The following SYNDIG1 variants were observed in gnomAD, a reference collection of about 807,000 sequenced individuals.
SYNDIG1 encodes the protein synapse differentiation-inducing gene protein 1.
A neutral mutation model predicts 19.4 loss-of-function variants in SYNDIG1; 9 were observed. The ratio of observed to expected loss-of-function variants is 0.46; its 90% CI spans 0.28 to 0.81. The LOEUF (loss-of-function observed/expected upper bound fraction) is 0.81. Among genes scored for constraint, SYNDIG1 ranks in the 30% least tolerant of loss-of-function variants. The probability of loss-of-function intolerance (pLI) is 0.12; values close to 1 mark genes in which losing one functional copy is unlikely to be tolerated. For synonymous variants in SYNDIG1, 141 were observed against 145.9 expected, an observed-to-expected ratio of 0.97 and a Z score of 0.24; for missense variants, 311 against 343.3, an observed-to-expected ratio of 0.91 and a Z score of 0.74.
At chr20:24,625,799 A>G (rs1312597225) in intron 3 of SYNDIG1, among the ~76,000 whole-genome samples, 3 of 152,224 alleles carry the variant, frequency 2.0e-5, no homozygotes, top group Non-Finnish European at 4.4e-5. Flanking sequence ...CAATTTCTCA[A>G]TCTTTTCCCC....
intron 2 of SYNDIG1, among the ~76,000 whole-genome samples, chr20:24,564,498 G>C (rs1465973961): frequency 6.6e-6 from 1 of 152,212 alleles, no homozygotes; most frequent in Non-Finnish European, 1.5e-5. Flanking sequence ...ATATGTTACA[G>C]GCCATGAGGC....
chr20:24,582,591 C>T (rs1322011385), intron 2 of SYNDIG1, among the ~76,000 whole-genome samples: 5 of 151,926 alleles, frequency 3.3e-5, no homozygotes, highest in African/African-American at 9.7e-5. Context: ...GACTCCAGCA[C>T]CTGAGGCTGG....
chr20:24,485,085 T>C (rs1413633456), intron 1 of SYNDIG1, among the ~76,000 whole-genome samples: 3 of 147,440 alleles, frequency 2.0e-5, no homozygotes, highest in Non-Finnish European at 4.4e-5. Context: ...TCTGCCATGT[T>C]ATGATGCAGC....
In SYNDIG1 at chr20:24,665,365, A is replaced by T. The variant is rs1010979912; in HGVS notation, c.638A>T (p.Lys213Met). 1 of 1,602,622 alleles carries T rather than the reference A, an allele frequency of 6.2e-7. No individual in the cohort carries two copies. The highest frequency in any genetic ancestry group is 8.5e-7 in the Non-Finnish European group (1 of 1,176,436). ...CTGCAGACCAACAAAGCCGTGGCCA[A>T]GGGGGACTTGCACCAGGCCAGCACC... ...LSHETNKAVAKGDLHQASTSS... is the reference protein window; with the variant it reads ...LSHETNKAVAMGDLHQASTSS... Residue 213 changes from lysine (K) to methionine (M), a missense_variant, in exon 4 of 4, where the codon AAG becomes ATG. Lys to Met is a moderately conservative substitution (Grantham distance 95, BLOSUM62 -1). Coordinates refer to ENST00000376862, the MANE Select transcript of SYNDIG1 (RefSeq NM_024893.3).
chr20:24,572,918 G>C (rs768192598), intron 2 of SYNDIG1, among the ~76,000 whole-genome samples: 5 of 152,186 alleles, frequency 3.3e-5, no homozygotes, highest in Non-Finnish European at 7.4e-5. Flanking sequence ...AGACGATTCA[G>C]ATGGGTAGTG....
intron 2 of SYNDIG1, among the ~76,000 whole-genome samples, chr20:24,546,239 G>A (rs563684066): frequency 6.6e-6 from 1 of 152,362 alleles, no homozygotes; most frequent in Non-Finnish European, 1.5e-5. Flanking sequence ...GGTTAGAAGT[G>A]TCATTGAACA....
chr20:24,594,912 C>T (rs74787378), intron 3 of SYNDIG1, among the ~76,000 whole-genome samples: 1,842 of 152,210 alleles, frequency 0.012, 38 homozygotes, highest in African/African-American at 0.042. Flanking sequence ...TAGGAGCTTT[C>T]GGGTAGAGAC....
intron 2 of SYNDIG1, among the ~76,000 whole-genome samples, chr20:24,576,313 C>A (rs575499829): frequency 1.3e-5 from 2 of 152,188 alleles, no homozygotes; most frequent in South Asian, 4.1e-4. Context: ...TAACTGAATT[C>A]TCAGATTTTA....
chr20:24,630,343 G>GC (rs1261717187), intron 3 of SYNDIG1, among the ~76,000 whole-genome samples: 4 of 152,172 alleles, frequency 2.6e-5, no homozygotes, highest in African/African-American at 7.2e-5. Context: ...AGGGTGAAAT[G>GC]CCCCAAACAC....
chr20:24,663,739 G>A, intron 3 of SYNDIG1, among the ~76,000 whole-genome samples: 1 of 152,224 alleles, frequency 6.6e-6, no homozygotes, highest in East Asian at 1.9e-4. Flanking sequence ...CAGGTGCCCA[G>A]TCAGCTGTAG....
intron 3 of SYNDIG1, among the ~76,000 whole-genome samples, chr20:24,607,338 G>A (rs1175017272): frequency 5.0e-5 from 7 of 139,770 alleles, no homozygotes; most frequent in African/African-American, 1.6e-4. Context: ...TGCAGCCTGA[G>A]CAACAGAGCA....
intron 1 of SYNDIG1, among the ~76,000 whole-genome samples, chr20:24,500,395 C>G (rs548686059): frequency 6.6e-6 from 1 of 152,276 alleles, no homozygotes; most frequent in African/African-American, 2.4e-5. Flanking sequence ...TGAGTTTCCA[C>G]AAAACATTGG....
intron 3 of SYNDIG1, among the ~76,000 whole-genome samples, chr20:24,626,878 A>G (rs947884039): frequency 5.9e-5 from 9 of 152,250 alleles, no homozygotes; most frequent in African/African-American, 1.9e-4. Context: ...GCTGGAGACC[A>G]GCCCGGCCAT....
At position 24,521,414 on chromosome 20, in the gene SYNDIG1, G is replaced by T. The variant is rs1453714684; in HGVS notation, c.-78-21606G>T. Among the ~76,000 whole-genome samples the T allele has an allele frequency of 3.9e-5, 6 of 152,182 alleles. No individual in the cohort carries two copies. The East Asian group carries it at 1.2e-3, about 29-fold the overall frequency. ...TTTTGGGGAGTGTATACTCAGCAGT[G>T]AAATGGCTGCTGTATGGTAACTCAG... On this transcript the variant is annotated intron_variant, in intron 1 of 3. Transcript: ENST00000376862.
intron 1 of SYNDIG1, among the ~76,000 whole-genome samples, chr20:24,523,547 G>C (rs537567383): frequency 1.3e-5 from 2 of 152,106 alleles, no homozygotes; most frequent in African/African-American, 4.8e-5. Flanking sequence ...AGTTAATATT[G>C]CCTCTGTATT....
At chr20:24,590,888 G>A (rs2058499073) in intron 3 of SYNDIG1, among the ~76,000 whole-genome samples, 1 of 152,156 alleles carries the variant, frequency 6.6e-6, no homozygotes, top group Admixed American at 6.5e-5. Flanking sequence ...GGGAGGGACA[G>A]CACCGAGGAG....
At chr20:24,586,345 G>A (rs906175233) in intron 3 of SYNDIG1, among the ~76,000 whole-genome samples, 1 of 152,170 alleles carries the variant, frequency 6.6e-6, no homozygotes, top group Non-Finnish European at 1.5e-5. Context: ...AAATGCCACA[G>A]AACCCCTTCT....
At chr20:24,491,344 GTCTTTTTGCA>G (rs1266031968) in intron 1 of SYNDIG1, 1 of 152,276 alleles carries the variant, frequency 6.6e-6, no homozygotes, top group Non-Finnish European at 1.5e-5. Context: ...GGATGCTCAA[GTCTTTTTGCA>G]GGGCCAGTCA....
intron 1 of SYNDIG1, among the ~76,000 whole-genome samples, chr20:24,492,928 G>T (rs2056196581): frequency 6.6e-6 from 1 of 152,246 alleles, no homozygotes; most frequent in African/African-American, 2.4e-5. Context: ...ATGGCTTTGT[G>T]TGAGATTGAA....
Sources: allele counts gnomAD v4.1 joint callset (sites outside exome capture counted in the v4.1 genomes callset), GRCh38; gene constraint gnomAD v4.1.1; transcripts MANE v1.5; gene names NCBI Gene and HGNC (gene_info 2026-07-23, HGNC 2026-07-21).